The following OSBPL8 variants were observed in gnomAD, a reference collection of about 807,000 sequenced individuals.
The protein encoded by OSBPL8 is oxysterol-binding protein-related protein 8.
Under a neutral mutation model 125.5 loss-of-function variants are expected in OSBPL8, and 59 were observed. The ratio of observed to expected loss-of-function variants is 0.47; its 90% confidence interval spans 0.38 to 0.58. OSBPL8 has a LOEUF of 0.58. Ranked by LOEUF, OSBPL8 falls within the 20% of genes least tolerant of loss-of-function variation. OSBPL8 has a pLI of 0.00. For synonymous variants in OSBPL8, 330 were observed against 338.9 expected, an observed-to-expected ratio of 0.97 and a Z score of 0.29; for missense variants, 758 against 1,047.8, an observed-to-expected ratio of 0.72 and a Z score of 3.82.
intron 1 of OSBPL8, among the ~76,000 whole-genome samples, chr12:76,556,746 C>A (rs1951112708): frequency 6.6e-6 from 1 of 152,170 alleles, no homozygotes; most frequent in Non-Finnish European, 1.5e-5. Context: ...TCGTTGCAAT[C>A]TCTGTCTCCT....
At chr12:76,382,677 GT>G (rs2136250798) in intron 15 of OSBPL8, among the ~76,000 whole-genome samples, 1 of 152,332 alleles carries the variant, frequency 6.6e-6, no homozygotes, top group East Asian at 1.9e-4. Flanking sequence ...GAGGTCAGGA[GT>G]TCGAGACCAG....
At chr12:76,390,796 C>A in intron 10 of OSBPL8, 139 bp from the exon 11 acceptor site, 1 of 605,800 alleles carries the variant, frequency 1.7e-6, no homozygotes, top group Non-Finnish European at 2.9e-6. Flanking sequence ...AGTGTTAATT[C>A]ACTTAATCTT....
chr12:76,428,331 T>C (rs764382472), intron 4 of OSBPL8, among the ~76,000 whole-genome samples: 1 of 151,940 alleles, frequency 6.6e-6, no homozygotes, highest in African/African-American at 2.4e-5. Flanking sequence ...CTGGGGAAGA[T>C]AGCTCATTGG....
At chr12:76,364,877 A>T (rs1464635443) in intron 21 of OSBPL8, among the ~76,000 whole-genome samples, 2 of 152,142 alleles carry the variant, frequency 1.3e-5, no homozygotes, top group Admixed American at 6.5e-5. Context: ...TGAATTTGAA[A>T]ATCTGCTTTC....
At chr12:76,508,146 GGGC>G (rs1880607742) in intron 1 of OSBPL8, among the ~76,000 whole-genome samples, 1 of 151,808 alleles carries the variant, frequency 6.6e-6, no homozygotes, top group African/African-American at 2.4e-5. Context: ...ACTCCAGCCT[GGGC>G]AACAGAGCAA....
At chr12:76,365,303 G>A (rs1002122810) in intron 21 of OSBPL8, among the ~76,000 whole-genome samples, 2 of 152,106 alleles carry the variant, frequency 1.3e-5, no homozygotes, top group Admixed American at 1.3e-4. Flanking sequence ...CCTTTATTTA[G>A]ATGTTCTTTA....
chr12:76,381,045 C>T (rs576943866), intron 15 of OSBPL8, among the ~76,000 whole-genome samples: 1 of 152,180 alleles, frequency 6.6e-6, no homozygotes, highest in Non-Finnish European at 1.5e-5. Flanking sequence ...GGTAAACCAA[C>T]CTTGTATTCC....
chr12:76,513,744 G>GTTT (rs35639287), intron 1 of OSBPL8, among the ~76,000 whole-genome samples: 6 of 105,332 alleles, frequency 5.7e-5, no homozygotes, highest in African/African-American at 1.6e-4. Flanking sequence ...TAACCCCTGG[G>GTTT]TTTTTTTTTT....
At chr12:76,528,238 T>G (rs1163575398) in intron 1 of OSBPL8, among the ~76,000 whole-genome samples, 1 of 151,616 alleles carries the variant, frequency 6.6e-6, no homozygotes, top group African/African-American at 2.4e-5. Context: ...GGAGAATTGC[T>G]TGAACTGGGA....
intron 1 of OSBPL8, among the ~76,000 whole-genome samples, chr12:76,540,059 C>T (rs1193096345): frequency 6.6e-6 from 1 of 152,160 alleles, no homozygotes; most frequent in African/African-American, 2.4e-5. Context: ...TAACATCCTT[C>T]CTCCCCCGAT....
Position 76,527,005 on chromosome 12 carries a change from T to C in OSBPL8, c.-68+32392A>G, listed in dbSNP as rs537455037. Among the ~76,000 whole-genome samples, 303 of 152,216 alleles carry C rather than the reference T, an allele frequency of 2.0e-3. 2 individuals carry two copies. Among genetic ancestry groups the C allele is most frequent in the African/African-American group, 7.0e-3 (289 of 41,528 alleles). ...ATTGAGAACTAAGTGTGAACCACTT[T>C]ACACCTCTGGACCTCAGTTTCCTCA... is the stretch of plus-strand genomic sequence containing the variant. On this transcript the variant is annotated intron_variant, in intron 1 of 23. Coordinates refer to ENST00000261183, the MANE Select transcript of OSBPL8 (RefSeq NM_020841.5).
intron 5 of OSBPL8, among the ~76,000 whole-genome samples, chr12:76,407,769 T>G (rs1954333195): frequency 6.6e-6 from 1 of 152,188 alleles, no homozygotes; most frequent in African/African-American, 2.4e-5. Context: ...AACTATCTAC[T>G]GTTAACCAGC....
At chr12:76,512,444 C>T (rs1020859421) in intron 1 of OSBPL8, among the ~76,000 whole-genome samples, 1 of 152,094 alleles carries the variant, frequency 6.6e-6, no homozygotes, top group African/African-American at 2.4e-5. Flanking sequence ...AATATAAAGT[C>T]TTTTTCCCAT....
At chr12:76,527,031 T>A (rs1039603247) in intron 1 of OSBPL8, among the ~76,000 whole-genome samples, 5 of 152,102 alleles carry the variant, frequency 3.3e-5, no homozygotes, top group African/African-American at 1.2e-4. Context: ...AGTTTCCTCA[T>A]AAGTAAAATT....
Position 76,559,007 on chromosome 12 carries a change from G to C in OSBPL8, c.-68+390C>G, listed in dbSNP as rs1016143390. Among the ~76,000 whole-genome samples, 5 of 152,184 alleles carry C rather than the reference G, an allele frequency of 3.3e-5. No homozygotes were observed. The South Asian group carries it at 1.0e-3, about 32-fold the overall frequency. On this transcript the variant is annotated intron_variant, in intron 1 of 23. Coordinates refer to ENST00000261183, the MANE Select transcript of OSBPL8 (RefSeq NM_020841.5). ...TCTCTGGGGCTGTCACAGGAAAGAA[G>C]GAGCCTCGCCTTAACCGCACCGAGC...
At chr12:76,366,455 G>T (rs1463995680) in intron 21 of OSBPL8, 2 of 331,686 alleles carry the variant, frequency 6.0e-6, no homozygotes, top group South Asian at 5.1e-5. Flanking sequence ...CTAGCTGATG[G>T]TTTATCGATT....
intron 1 of OSBPL8, among the ~76,000 whole-genome samples, chr12:76,546,729 G>C (rs1950793168): frequency 6.6e-6 from 1 of 152,066 alleles, no homozygotes; most frequent in South Asian, 2.1e-4. Context: ...AAAAAATAAA[G>C]CATGAGGTAT....
intron 11 of OSBPL8, 36 bp downstream of exon 11, chr12:76,390,384 G>A: frequency 7.1e-7 from 1 of 1,410,226 alleles, no homozygotes; most frequent in South Asian, 1.3e-5. Flanking sequence ...CCAAGAATAT[G>A]AAAATCCAGA....
intron 2 of OSBPL8, among the ~76,000 whole-genome samples, chr12:76,483,356 A>G (rs1877750353): frequency 1.3e-5 from 2 of 151,876 alleles, no homozygotes; most frequent in South Asian, 4.2e-4. Flanking sequence ...TGAGGTCAGG[A>G]GTTCCAGACC....
Sources: allele counts gnomAD v4.1 joint callset (sites outside exome capture counted in the v4.1 genomes callset), GRCh38; gene constraint gnomAD v4.1.1; transcripts MANE v1.5; gene names NCBI Gene and HGNC (gene_info 2026-07-23, HGNC 2026-07-21).